HDAC9: variants seen among roughly 807,000 people sequenced by gnomAD.
HDAC9 encodes histone deacetylase 9, also known as MEF-2 interacting transcription repressor (MITR) protein.
Under a neutral mutation model 139.4 loss-of-function variants are expected in HDAC9, and 41 were observed. The observed-to-expected ratio is 0.29, with a 90% CI of 0.23 to 0.38. The LOEUF (loss-of-function observed/expected upper bound fraction) is 0.38, where lower values mean the gene tolerates loss of function less well. Ranked by LOEUF, HDAC9 falls within the 10% of genes least tolerant of loss-of-function variation. The pLI is 1.00. For synonymous variants in HDAC9, 517 were observed against 476.2 expected, an observed-to-expected ratio of 1.09 and a Z score of -1.12; for missense variants, 1,147 against 1,297.0, an observed-to-expected ratio of 0.88 and a Z score of 1.78.
chr7:18,206,008 G>T (rs1791482421), intron 2 of HDAC9, among the ~76,000 whole-genome samples: 1 of 152,076 alleles, frequency 6.6e-6, no homozygotes, highest in African/African-American at 2.4e-5. Context: ...ATTTCATTGA[G>T]ATTTTTTTAA....
chr7:18,463,858 A>G (rs1458297914), intron 1 of HDAC9, among the ~76,000 whole-genome samples: 3 of 151,732 alleles, frequency 2.0e-5, no homozygotes, highest in Non-Finnish European at 4.4e-5. Context: ...AAACCCACAG[A>G]TGTTATCTGT....
intron 2 of HDAC9, among the ~76,000 whole-genome samples, chr7:18,275,428 T>A (rs571488080): frequency 6.6e-6 from 1 of 152,330 alleles, no homozygotes; most frequent in African/African-American, 2.4e-5. Flanking sequence ...ATGGTCCTGT[T>A]AAGTATGAAT....
At chr7:18,608,972 G>A (rs1258929852) in intron 6 of HDAC9, among the ~76,000 whole-genome samples, 2 of 152,028 alleles carry the variant, frequency 1.3e-5, no homozygotes, top group Non-Finnish European at 1.5e-5. Flanking sequence ...AGCCACCCGA[G>A]GAATATAGCT....
At chr7:18,401,867 TA>T (rs1214578416) in intron 1 of HDAC9, among the ~76,000 whole-genome samples, 4 of 152,200 alleles carry the variant, frequency 2.6e-5, no homozygotes, top group Non-Finnish European at 5.9e-5. Context: ...CTATCAAAAT[TA>T]TACTCATTCT....
chr7:18,723,121 T>G (rs1785262032), intron 12 of HDAC9, among the ~76,000 whole-genome samples: 1 of 152,154 alleles, frequency 6.6e-6, no homozygotes, highest in Admixed American at 6.6e-5. Context: ...TTTCTCATAT[T>G]TTTTTTCTCA....
intron 1 of HDAC9, among the ~76,000 whole-genome samples, chr7:18,329,933 T>C (rs1364056260): frequency 6.6e-6 from 1 of 151,568 alleles, no homozygotes; most frequent in African/African-American, 2.4e-5. Flanking sequence ...ATATTTTACT[T>C]CTAAGGTACT....
At chr7:18,488,562 C>T (rs1020873314) in intron 1 of HDAC9, among the ~76,000 whole-genome samples, 5 of 151,738 alleles carry the variant, frequency 3.3e-5, no homozygotes, top group Non-Finnish European at 1.5e-5. Flanking sequence ...GAATTTTGAG[C>T]GCAAATGGTG....
At chr7:18,610,723 C>T (rs993114337) in intron 6 of HDAC9, among the ~76,000 whole-genome samples, 2 of 152,182 alleles carry the variant, frequency 1.3e-5, no homozygotes, top group African/African-American at 4.8e-5. Flanking sequence ...AAATTGTCTA[C>T]CCTTTCTTCA....
At chr7:18,868,772 C>T (rs553173538) in intron 21 of HDAC9, among the ~76,000 whole-genome samples, 11 of 152,202 alleles carry the variant, frequency 7.2e-5, no homozygotes, top group Middle Eastern at 3.4e-3. Context: ...TCACCTGTCC[C>T]AAGGCAGGAC....
At chr7:18,145,890 A>G (rs1442597727) in intron 1 of HDAC9, among the ~76,000 whole-genome samples, 3 of 152,164 alleles carry the variant, frequency 2.0e-5, no homozygotes, top group Non-Finnish European at 4.4e-5. Context: ...TAGGAGAAAT[A>G]GAGGTATCCC....
intron 24 of HDAC9, 57 bp downstream of exon 24, chr7:18,954,287 A>G (rs1585399359): frequency 3.7e-6 from 4 of 1,085,884 alleles, no homozygotes; most frequent in Non-Finnish European, 4.1e-6. Flanking sequence ...CTAAAATTAT[A>G]TTGAAAATTA....
chr7:18,823,797 A>G (rs1194076253), intron 17 of HDAC9, among the ~76,000 whole-genome samples: 1 of 151,832 alleles, frequency 6.6e-6, no homozygotes, highest in African/African-American at 2.4e-5. Context: ...TGGGCAACAG[A>G]GCAAAACCCC....
At chr7:18,876,442 T>C (rs1034039431) in intron 22 of HDAC9, among the ~76,000 whole-genome samples, 2 of 152,140 alleles carry the variant, frequency 1.3e-5, no homozygotes, top group Non-Finnish European at 2.9e-5. Context: ...AGTGATATCA[T>C]ACTTTACCTT....
chr7:18,280,519 C>T (rs916999623), intron 2 of HDAC9, among the ~76,000 whole-genome samples: 14 of 151,162 alleles, frequency 9.3e-5, no homozygotes, highest in South Asian at 8.4e-4. Flanking sequence ...ACCTGGGAGG[C>T]GGAGGTTGCA....
chr7:18,150,957 A>G (rs1349213077), intron 1 of HDAC9, among the ~76,000 whole-genome samples: 1 of 152,216 alleles, frequency 6.6e-6, no homozygotes, highest in Non-Finnish European at 1.5e-5. Flanking sequence ...CCAGCCTGAT[A>G]AACAGCTAGG....
chr7:18,113,629 G>A (rs1783773167), intron 1 of HDAC9, among the ~76,000 whole-genome samples: 1 of 152,150 alleles, frequency 6.6e-6, no homozygotes. Flanking sequence ...TATAATTTAT[G>A]ACTTTTTCAC....
intron 1 of HDAC9, among the ~76,000 whole-genome samples, chr7:18,145,938 C>A (rs57060065): frequency 1.2e-3 from 188 of 151,926 alleles, no homozygotes; most frequent in African/African-American, 4.3e-3. Context: ...AAAGACCCCA[C>A]AAAAGAGGTC....
At chr7:18,883,228 A>G (rs544583457) in intron 22 of HDAC9, among the ~76,000 whole-genome samples, 35 of 152,250 alleles carry the variant, frequency 2.3e-4, no homozygotes, top group African/African-American at 7.9e-4. Flanking sequence ...ATTGACTACA[A>G]TTTTAGTTAA....
intron 16 of HDAC9, among the ~76,000 whole-genome samples, chr7:18,786,514 C>T (rs945271443): frequency 1.5e-5 from 2 of 133,346 alleles, no homozygotes; most frequent in Non-Finnish European, 3.1e-5. Flanking sequence ...TCCTCTCTCT[C>T]ATGTACTTTT....
Sources: gnomAD v4.1 joint callset for allele counts (sites outside exome capture counted in the v4.1 genomes callset) on GRCh38, gnomAD v4.1.1 for gene constraint, MANE v1.5 for transcripts, NCBI Gene and HGNC (gene_info 2026-07-23, HGNC 2026-07-21) for gene names.